MYRIP: variants seen among roughly 807,000 people sequenced by gnomAD.
The protein encoded by MYRIP is myosin VIIA and Rab interacting protein.
MYRIP carries 49 observed loss-of-function variants against 98.0 expected under a neutral mutation model. That is an observed-to-expected ratio of 0.50 (90% CI 0.40 to 0.63). The LOEUF (loss-of-function observed/expected upper bound fraction) is 0.63. Ranked by LOEUF, MYRIP falls within the 30% of genes least tolerant of loss-of-function variation. The pLI, the probability that MYRIP is intolerant of heterozygous loss-of-function variation, is 0.00. For synonymous variants in MYRIP, 404 were observed against 409.5 expected (o/e 0.99, Z 0.16); for missense variants, 1,004 against 1,058.2 (o/e 0.95, Z 0.71).
At chr3:39,838,888 C>T (rs1941709052) in intron 1 of MYRIP, among the ~76,000 whole-genome samples, 1 of 152,068 alleles carries the variant, frequency 6.6e-6, no homozygotes, top group Non-Finnish European at 1.5e-5. Context: ...AATTTCAGAA[C>T]TTGTTATTGG....
At chr3:40,143,977 G>A (rs1323727317) in intron 3 of MYRIP, among the ~76,000 whole-genome samples, 4 of 152,126 alleles carry the variant, frequency 2.6e-5, no homozygotes, top group South Asian at 4.1e-4. Context: ...AAAATATTTC[G>A]GAATGCTATA....
At chr3:39,962,362 G>A (rs1490221973) in intron 2 of MYRIP, among the ~76,000 whole-genome samples, 3 of 152,022 alleles carry the variant, frequency 2.0e-5, no homozygotes, top group African/African-American at 7.2e-5. Context: ...TGACTATTAG[G>A]AGGAATTAAA....
At chr3:40,179,988 C>A (rs922542000) in intron 8 of MYRIP, among the ~76,000 whole-genome samples, 1 of 152,224 alleles carries the variant, frequency 6.6e-6, no homozygotes, top group Non-Finnish European at 1.5e-5. Context: ...TGCTCATTTT[C>A]TGTCAGATAT....
At chr3:39,896,342 G>T (rs913387483) in intron 1 of MYRIP, among the ~76,000 whole-genome samples, 2 of 152,170 alleles carry the variant, frequency 1.3e-5, no homozygotes, top group Non-Finnish European at 1.5e-5. Flanking sequence ...CATCGGTCAG[G>T]GGTGAATTTC....
intron 3 of MYRIP, among the ~76,000 whole-genome samples, chr3:40,082,862 TA>T (rs1164856332): frequency 1.3e-5 from 2 of 152,210 alleles, no homozygotes; most frequent in Non-Finnish European, 2.9e-5. Context: ...AATGGTCCCA[TA>T]ACTCCTTCTG....
At chr3:40,049,254 G>A (rs1453024017) in intron 3 of MYRIP, among the ~76,000 whole-genome samples, 1 of 151,956 alleles carries the variant, frequency 6.6e-6, no homozygotes, top group East Asian at 1.9e-4. Flanking sequence ...AAGGTTTGTG[G>A]CAACCCTGCA....
At chr3:39,957,707 G>T (rs1445009908) in intron 2 of MYRIP, among the ~76,000 whole-genome samples, 1 of 151,868 alleles carries the variant, frequency 6.6e-6, no homozygotes, top group South Asian at 2.1e-4. Context: ...AGAAATAAAG[G>T]GTATTCAATT....
intron 1 of MYRIP, among the ~76,000 whole-genome samples, chr3:39,893,775 A>G (rs1298011806): frequency 6.6e-6 from 1 of 152,036 alleles, no homozygotes; most frequent in Admixed American, 6.6e-5. Flanking sequence ...TTTAATCTAT[A>G]ATTTTTATTT....
At chr3:39,862,678 C>T (rs1349920471) in intron 1 of MYRIP, among the ~76,000 whole-genome samples, 1 of 152,184 alleles carries the variant, frequency 6.6e-6, no homozygotes, top group Non-Finnish European at 1.5e-5. Flanking sequence ...GAGACTTAAT[C>T]ATACAATAGT....
chr3:40,027,719 T>C (rs1184505747), intron 2 of MYRIP, among the ~76,000 whole-genome samples: 1 of 152,124 alleles, frequency 6.6e-6, no homozygotes, highest in Non-Finnish European at 1.5e-5. Flanking sequence ...GGCTATGTCT[T>C]TTTTTAAAAA....
chr3:40,147,711 T>A (rs1950038201), intron 3 of MYRIP, among the ~76,000 whole-genome samples: 1 of 152,240 alleles, frequency 6.6e-6, no homozygotes. Context: ...GTTTTGGTTT[T>A]GATTTTCTGA....
At chr3:39,955,904 A>T (rs920109215) in intron 2 of MYRIP, among the ~76,000 whole-genome samples, 1 of 152,340 alleles carries the variant, frequency 6.6e-6, no homozygotes, top group Non-Finnish European at 1.5e-5. Flanking sequence ...CAGATTTTAA[A>T]TCAACAAAGA....
chr3:39,990,344 C>T lies in MYRIP; in HGVS notation c.111-53706C>T, dbSNP rs528328923. 2.0e-5 allele frequency among the ~76,000 whole-genome samples: 3 copies of T among 152,286 alleles called. No individual in the cohort carries two copies. In the East Asian group the frequency reaches 5.8e-4, roughly 29 times the overall value. ...TTCCGATGTTGGAATCTGGATACCT[C>T]AGTTGCTGGTGCAGGATTCGCATGC... is the stretch of plus-strand genomic sequence containing the variant. On this transcript the variant is annotated intron_variant, in intron 2 of 16. Coordinates refer to ENST00000302541, the MANE Select transcript of MYRIP (RefSeq NM_015460.4).
At chr3:40,034,451 A>G (rs758427454) in intron 2 of MYRIP, among the ~76,000 whole-genome samples, 42,415 of 151,840 alleles carry the variant, frequency 0.28, 6,603 homozygotes, top group Non-Finnish European at 0.36. Flanking sequence ...ACATTTATGC[A>G]GCCAAAAGAC....
intron 2 of MYRIP, among the ~76,000 whole-genome samples, chr3:39,921,124 A>G (rs1453305361): frequency 1.3e-5 from 2 of 152,172 alleles, no homozygotes; most frequent in African/African-American, 2.4e-5. Context: ...TTCCTCTATG[A>G]AGTAGAGAGA....
At chr3:39,918,335 C>G (rs1242914929) in intron 2 of MYRIP, among the ~76,000 whole-genome samples, 1 of 152,226 alleles carries the variant, frequency 6.6e-6, no homozygotes, top group Non-Finnish European at 1.5e-5. Flanking sequence ...CAATGGCAGA[C>G]TGTTATAAAT....
intron 3 of MYRIP, among the ~76,000 whole-genome samples, chr3:40,128,372 A>G (rs1303850934): frequency 3.9e-5 from 6 of 152,242 alleles, no homozygotes; most frequent in African/African-American, 1.4e-4. Context: ...TGATCTGGAC[A>G]ACATAGTTGC....
intron 2 of MYRIP, among the ~76,000 whole-genome samples, chr3:39,929,576 A>G (rs564998481): frequency 2.0e-5 from 3 of 152,176 alleles, no homozygotes; most frequent in South Asian, 4.1e-4. Flanking sequence ...GCCCGTACAA[A>G]TATTCCAAAA....
intron 2 of MYRIP, among the ~76,000 whole-genome samples, chr3:39,930,447 A>G (rs1187563007): frequency 6.6e-6 from 1 of 151,954 alleles, no homozygotes; most frequent in African/African-American, 2.4e-5. Context: ...AATACAGTTC[A>G]CTTACTATAT....
Sources: gnomAD v4.1 joint callset for allele counts (sites outside exome capture counted in the v4.1 genomes callset) on GRCh38, gnomAD v4.1.1 for gene constraint, MANE v1.5 for transcripts, NCBI Gene and HGNC (gene_info 2026-07-23, HGNC 2026-07-21) for gene names.